Variants in PRSS55 observed in about 807,000 individuals in gnomAD.
PRSS55 encodes serine protease 55, also known as probable serine protease UNQ9391/PRO34284.
In PRSS55, 41 loss-of-function variants were observed where a neutral mutation model predicts 23.6. That is an observed-to-expected ratio of 1.74 (90% confidence interval 1.35 to 2.26). The LOEUF (loss-of-function observed/expected upper bound fraction) is 2.26. Among genes scored for constraint, PRSS55 ranks in the 30% most tolerant of loss-of-function variants. The pLI is 0.00. For missense variants in PRSS55, 669 were observed against 439.1 expected (o/e 1.52, Z -4.68); for synonymous variants, 262 against 175.5 (o/e 1.49, Z -3.90).
chr8:10,544,652 A>G (rs933791777), intron 4 of PRSS55, among the ~76,000 whole-genome samples: 1 of 152,122 alleles, frequency 6.6e-6, no homozygotes, highest in Admixed American at 6.5e-5. Flanking sequence ...TTAATTTTTT[A>G]ATGATGCTAA....
chr8:10,528,341 A>C (rs1361449295), intron 1 of PRSS55, among the ~76,000 whole-genome samples: 1 of 152,196 alleles, frequency 6.6e-6, no homozygotes, highest in Non-Finnish European at 1.5e-5. Context: ...CAAACAACAA[A>C]ACACTCACAG....
chr8:10,528,966 C>T (rs1447141667), intron 1 of PRSS55, among the ~76,000 whole-genome samples: 1 of 152,192 alleles, frequency 6.6e-6, no homozygotes, highest in Non-Finnish European at 1.5e-5. Flanking sequence ...TCCTGCTTCC[C>T]TCCACCCCTC....
At chr8:10,526,376 C>A (rs1812023215) in intron 1 of PRSS55, among the ~76,000 whole-genome samples, 1 of 152,342 alleles carries the variant, frequency 6.6e-6, no homozygotes, top group Middle Eastern at 3.4e-3. Flanking sequence ...TCTGCCTGGC[C>A]TGCGCTGGGT....
chr8:10,534,649 C>A, intron 4 of PRSS55, among the ~76,000 whole-genome samples: 1 of 152,204 alleles, frequency 6.6e-6, no homozygotes, highest in South Asian at 2.1e-4. Context: ...CCTCTCAGGA[C>A]CAGAACAACA....
chr8:10,539,261 G>C (rs1367937928), downstream of PRSS55, among the ~76,000 whole-genome samples: 1 of 152,102 alleles, frequency 6.6e-6, no homozygotes, highest in Non-Finnish European at 1.5e-5. Context: ...CAGTGGATTG[G>C]ACAAGGCCCA....
At chr8:10,527,237 G>T (rs954807716) in intron 1 of PRSS55, among the ~76,000 whole-genome samples, 1 of 152,250 alleles carries the variant, frequency 6.6e-6, no homozygotes, top group Non-Finnish European at 1.5e-5. Context: ...TGATATGGAT[G>T]TGGCTTACTT....
At chr8:10,553,647 G>A (rs1034510171) in intron 4 of PRSS55, among the ~76,000 whole-genome samples, 2 of 152,144 alleles carry the variant, frequency 1.3e-5, no homozygotes, top group African/African-American at 2.4e-5. Context: ...ACCCGGAGGG[G>A]GAAATGGTCA....
At chr8:10,531,863 G>A (rs575094504) in intron 3 of PRSS55, among the ~76,000 whole-genome samples, 5 of 152,286 alleles carry the variant, frequency 3.3e-5, no homozygotes, top group South Asian at 4.1e-4. Context: ...TGATTCCCAC[G>A]GGTATGTTTC....
At position 10,538,516 on chromosome 8, in the gene PRSS55, G is replaced by C. The variant is rs1351933288; in HGVS notation, c.782G>C (p.Gly261Ala). Residue 261 changes from glycine (G) to alanine (A), a missense_variant, in exon 5 of 5, where the codon GGT becomes GCT. By Grantham distance (60) the Gly-to-Ala change is moderately conservative. Transcript: ENST00000328655. ...GGPLVCTPEP[G>A]EKWYQVGIIS... ...CCTCTGGTCTGCACCCCAGAGCCTG[G>C]TGAGAAGTGGTACCAGGTGGGCATC... 3.7e-6 allele frequency: 6 copies of C among 1,613,990 alleles called. No homozygotes were observed. The highest frequency in any genetic ancestry group is 5.1e-6 in the Non-Finnish European group (6 of 1,180,020).
rs375716099 is a variant in PRSS55, at chr8:10,538,478, T to A, written c.744T>A (p.Gly248=). ...TGAGCTGTGTTCTCTGCCCACAGGGTGACAGTGGGGGGCCTCTGGTCTGCA... is the reference window on the plus strand; with the variant it reads ...TGAGCTGTGTTCTCTGCCCACAGGGAGACAGTGGGGGGCCTCTGGTCTGCA... The part of the protein sequence containing the change: ...YKNESYDACK[G]DSGGPLVCTP... Residue 248 remains glycine (G), a splice_region_variant and synonymous_variant, in exon 5 of 5, where the codon GGT becomes GGA. Coordinates refer to ENST00000328655, the MANE Select transcript of PRSS55 (RefSeq NM_198464.4). The A allele has an allele frequency of 1.6e-5, 26 of 1,610,052 alleles. No homozygotes were observed. The African/African-American group carries it at 3.5e-4, about 21-fold the overall frequency.
At chr8:10,535,667 G>C (rs928336547) in intron 4 of PRSS55, among the ~76,000 whole-genome samples, 6 of 152,194 alleles carry the variant, frequency 3.9e-5, no homozygotes, top group Non-Finnish European at 8.8e-5. Flanking sequence ...CCTTAGCAAA[G>C]ATTTCATGAG....
chr8:10,553,810 T>A (rs1363675700), intron 4 of PRSS55: 3 of 584,954 alleles, frequency 5.1e-6, no homozygotes, highest in African/African-American at 3.7e-5. Flanking sequence ...AAAAGCAATA[T>A]GTAAGGTGAT....
chr8:10,531,631 G>A (rs1310374714), intron 3 of PRSS55, 86 bp downstream of exon 3: 6 of 1,547,824 alleles, frequency 3.9e-6, no homozygotes, highest in Non-Finnish European at 5.2e-6. Flanking sequence ...GTGAGGACAA[G>A]ACTTGCATTG....
chr8:10,532,886 G>A lies in PRSS55; in HGVS notation c.599-20G>A. ...CATGAGGCCCAGTGGCTTCTCTAAT[G>A]CGCTTTCTCTCTGGGCCAGCTGACA... On this transcript the variant is annotated intron_variant, in intron 3 of 4. Transcript: ENST00000328655. 6.2e-7 allele frequency: 1 copy of A among 1,614,058 alleles called. No individual in the cohort carries two copies.
chr8:10,528,337 A>G (rs1032148226), intron 1 of PRSS55, among the ~76,000 whole-genome samples: 1 of 152,196 alleles, frequency 6.6e-6, no homozygotes, highest in African/African-American at 2.4e-5. Flanking sequence ...CACCCAAACA[A>G]CAAAACACTC....
downstream of PRSS55, among the ~76,000 whole-genome samples, chr8:10,543,795 ATTAT>A (rs58334342): frequency 0.017 from 2,583 of 152,028 alleles, 78 homozygotes; most frequent in African/African-American, 0.058. Context: ...TTACTCATTG[ATTAT>A]TTAAGAGTGT....
chr8:10,531,862 C>T (rs778262446), intron 3 of PRSS55: 9 of 336,772 alleles, frequency 2.7e-5, no homozygotes, highest in South Asian at 9.9e-5. Flanking sequence ...CTGATTCCCA[C>T]GGGTATGTTT....
intron 4 of PRSS55, among the ~76,000 whole-genome samples, chr8:10,544,512 T>G (rs1174609616): frequency 3.9e-5 from 6 of 152,240 alleles, no homozygotes; most frequent in Non-Finnish European, 8.8e-5. Context: ...ACATTTAATG[T>G]GATCATTGAT....
chr8:10,551,544 C>G (rs1381587672), intron 4 of PRSS55, among the ~76,000 whole-genome samples: 2 of 152,226 alleles, frequency 1.3e-5, no homozygotes, highest in Non-Finnish European at 2.9e-5. Flanking sequence ...GATCGAGGAC[C>G]AGCTTCCCTG....
Sources: gnomAD v4.1 joint callset for allele counts (sites outside exome capture counted in the v4.1 genomes callset) on GRCh38, gnomAD v4.1.1 for gene constraint, MANE v1.5 for transcripts, NCBI Gene and HGNC (gene_info 2026-07-23, HGNC 2026-07-21) for gene names.